Variants in AEBP2 observed in about 807,000 individuals in gnomAD.
The protein encoded by AEBP2 is zinc finger protein AEBP2.
Under a neutral mutation model 50.8 loss-of-function variants are expected in AEBP2, and 10 were observed. The ratio of observed to expected loss-of-function variants is 0.20; its 90% CI spans 0.12 to 0.33. AEBP2 has a LOEUF of 0.33. Among genes scored for constraint, AEBP2 ranks in the 10% least tolerant of loss-of-function variants. The pLI, the probability that AEBP2 is intolerant of heterozygous loss-of-function variation, is 1.00. For synonymous variants in AEBP2, 296 were observed against 261.3 expected (o/e 1.13, Z -1.28); for missense variants, 570 against 688.0 (o/e 0.83, Z 1.92).
Position 19,445,075 on chromosome 12 carries a change from C to A in AEBP2, c.671+4705C>A, listed in dbSNP as rs557168297. On this transcript the variant is annotated intron_variant, in intron 1 of 7. Coordinates refer to ENST00000266508, the MANE Select transcript of AEBP2 (RefSeq NM_153207.5). ...AGGTCTCTTGTCTATGAAAGGGGGA[C>A]AATAATGGTTCCTATCCTGTAAGAT... Among the ~76,000 whole-genome samples the A allele has an allele frequency of 3.9e-5, 6 of 151,990 alleles. No homozygotes were observed. The South Asian group carries it at 1.2e-3, about 32-fold the overall frequency.
At chr12:19,461,494 G>GGC (rs1389001410) in intron 1 of AEBP2, among the ~76,000 whole-genome samples, 1 of 152,032 alleles carries the variant, frequency 6.6e-6, no homozygotes, top group African/African-American at 2.4e-5. Flanking sequence ...GGAGTGCAAT[G>GGC]GCGTGATACT....
intron 1 of AEBP2, among the ~76,000 whole-genome samples, chr12:19,406,831 C>G (rs572224076): frequency 6.6e-6 from 1 of 152,140 alleles, no homozygotes; most frequent in Non-Finnish European, 1.5e-5. Context: ...TATAGTTTTG[C>G]GTTTTACATT....
chr12:19,502,934 C>A lies in AEBP2; in HGVS notation c.1299+2713C>A, dbSNP rs150932469. On this transcript the variant is annotated intron_variant, in intron 5 of 7. Coordinates refer to ENST00000266508, the MANE Select transcript of AEBP2 (RefSeq NM_153207.5). ...GAGTGCTGGGATTAATAGGCGCGAG[C>A]CACCACGCTTGGCTGTTTGTTTATT... Among the ~76,000 whole-genome samples the A allele has an allele frequency of 3.7e-3, 567 of 152,294 alleles. 4 individuals carry two copies. Among genetic ancestry groups the A allele is most frequent in the Admixed American group, 5.4e-3 (83 of 15,304 alleles).
At chr12:19,454,905 T>C (rs1948240071) in intron 1 of AEBP2, among the ~76,000 whole-genome samples, 1 of 152,170 alleles carries the variant, frequency 6.6e-6, no homozygotes, top group African/African-American at 2.4e-5. Context: ...AATTTCAAAT[T>C]CAGCAGTTAA....
intron 3 of AEBP2, among the ~76,000 whole-genome samples, chr12:19,475,466 A>G (rs993861508): frequency 1.6e-4 from 24 of 146,136 alleles, no homozygotes; most frequent in East Asian, 4.2e-4. Context: ...ATGTGTGTGT[A>G]TATATATATA....
At chr12:19,404,535 C>T (rs531452521) in intron 1 of AEBP2, among the ~76,000 whole-genome samples, 1 of 152,276 alleles carries the variant, frequency 6.6e-6, no homozygotes, top group Admixed American at 6.5e-5. Flanking sequence ...GAAAAATGTT[C>T]ACAGTGTGAA....
At chr12:19,480,466 A>G (rs372856130) in intron 3 of AEBP2, among the ~76,000 whole-genome samples, 173 of 152,240 alleles carry the variant, frequency 1.1e-3, no homozygotes, top group Admixed American at 2.2e-3. Flanking sequence ...TTCTTTTAGC[A>G]TTTCTTGTAG....
intron 3 of AEBP2, among the ~76,000 whole-genome samples, chr12:19,473,662 A>G (rs185708623): frequency 6.6e-6 from 1 of 152,194 alleles, no homozygotes; most frequent in East Asian, 1.9e-4. Context: ...CGCCTTGGCC[A>G]CCCAAAGTGC....
chr12:19,501,530 A>G (rs1470949444), intron 5 of AEBP2, among the ~76,000 whole-genome samples: 1 of 150,996 alleles, frequency 6.6e-6, no homozygotes, highest in Non-Finnish European at 1.5e-5. Context: ...CCAGTTACCC[A>G]GGAGGCTGAG....
At chr12:19,414,892 C>T (rs1592703054) in intron 1 of AEBP2, among the ~76,000 whole-genome samples, 1 of 149,828 alleles carries the variant, frequency 6.7e-6, no homozygotes. Context: ...CACTGCACTC[C>T]AGCTTGGGCA....
chr12:19,465,015 G>GA, intron 2 of AEBP2, among the ~76,000 whole-genome samples: 1 of 152,218 alleles, frequency 6.6e-6, no homozygotes, highest in East Asian at 1.9e-4. Flanking sequence ...ATATTGAAAT[G>GA]AAAAATCTCC....
chr12:19,428,156 G>C (rs779102926), intron 1 of AEBP2, among the ~76,000 whole-genome samples: 17 of 152,024 alleles, frequency 1.1e-4, no homozygotes, highest in Middle Eastern at 3.2e-3. Flanking sequence ...GATCACCTGG[G>C]TCCTGGGAGG....
intron 4 of AEBP2, 50 bp downstream of exon 4, chr12:19,494,036 A>G (rs767567312): frequency 4.6e-6 from 7 of 1,506,008 alleles, no homozygotes; most frequent in East Asian, 2.4e-5. Context: ...TTTAAAAGAT[A>G]TCTTAGACTT....
At chr12:19,514,567 G>A (rs564701909) in intron 6 of AEBP2, 104 bp from the exon 7 acceptor site, 4 of 849,944 alleles carry the variant, frequency 4.7e-6, no homozygotes, top group South Asian at 1.8e-5. Context: ...TTCACTTAAC[G>A]TGGACTGATC....
At position 19,493,321 on chromosome 12, in the gene AEBP2, A is replaced by T. The variant is rs1948922373; in HGVS notation, c.988-479A>T. Among the ~76,000 whole-genome samples the T allele has an allele frequency of 2.0e-5, 3 of 152,246 alleles. No individual in the cohort carries two copies. In the South Asian group the frequency reaches 6.2e-4, roughly 32 times the overall value. On this transcript the variant is annotated intron_variant, in intron 3 of 7. Coordinates refer to ENST00000266508, the MANE Select transcript of AEBP2 (RefSeq NM_153207.5). ...GAGGCTGAGGCACAAAAATCACTTG[A>T]ACCCAGGAGGCAGAGGTTGCAGTGA...
intron 1 of AEBP2, among the ~76,000 whole-genome samples, chr12:19,452,589 T>C (rs953042565): frequency 6.6e-6 from 1 of 152,190 alleles, no homozygotes; most frequent in African/African-American, 2.4e-5. Flanking sequence ...AAGCCTAGAC[T>C]AAATATTAGG....
intron 1 of AEBP2, among the ~76,000 whole-genome samples, chr12:19,458,374 G>C (rs1438607142): frequency 6.6e-6 from 1 of 152,196 alleles, no homozygotes; most frequent in African/African-American, 2.4e-5. Flanking sequence ...TGTTGGCCCT[G>C]TTCAGCTTGG....
Position 19,439,867 on chromosome 12 carries a change from G to T in AEBP2, c.168G>T (p.Ala56=). 6.7e-7 allele frequency: 1 copy of T among 1,483,116 alleles called. No individual in the cohort carries two copies. The highest frequency in any genetic ancestry group is 8.9e-7 in the Non-Finnish European group (1 of 1,126,298). 91.9% of individuals were successfully genotyped at this position (1,483,116 alleles called of 1,614,324 possible). A position where few individuals can be genotyped will look rare whatever the true frequency, so the allele number is the denominator to read the frequency against. The change falls in exon 1 of 8, where the codon GCG becomes GCT. Residue 56 remains alanine, a synonymous_variant. Transcript: ENST00000266508. The part of the protein sequence containing the change: ...EEEAEAEAVA[A]LLLNGGSGGG... ...AGGCGGAGGCCGAGGCGGTGGCGGC[G>T]CTGCTGCTGAACGGCGGCAGCGGTG...
At chr12:19,490,462 C>G (rs890665294) in intron 3 of AEBP2, among the ~76,000 whole-genome samples, 8 of 149,944 alleles carry the variant, frequency 5.3e-5, no homozygotes, top group Non-Finnish European at 1.0e-4. Context: ...GCTCACTGCT[C>G]TGCATCCCAG....
Sources: gnomAD v4.1 joint callset for allele counts (sites outside exome capture counted in the v4.1 genomes callset) on GRCh38, gnomAD v4.1.1 for gene constraint, MANE v1.5 for transcripts, NCBI Gene and HGNC (gene_info 2026-07-23, HGNC 2026-07-21) for gene names.